The following PTGER4 variants were observed in gnomAD, a reference collection of about 807,000 sequenced individuals.
The protein encoded by PTGER4 is prostaglandin E2 receptor EP4 subtype.
Under a neutral mutation model 33.2 loss-of-function variants are expected in PTGER4, and 11 were observed. The ratio of observed to expected loss-of-function variants is 0.33; its 90% CI spans 0.21 to 0.55. The LOEUF (loss-of-function observed/expected upper bound fraction) is 0.55. Ranked by LOEUF, PTGER4 falls within the 20% of genes least tolerant of loss-of-function variation. The pLI, the probability that PTGER4 is intolerant of heterozygous loss-of-function variation, is 0.92. For missense variants in PTGER4, 481 were observed against 650.2 expected, an observed-to-expected ratio of 0.74 and a Z score of 2.83; for synonymous variants, 275 against 281.5, an observed-to-expected ratio of 0.98 and a Z score of 0.23.
intron 2 of PTGER4, among the ~76,000 whole-genome samples, chr5:40,687,564 CTACT>C (rs1741357503): frequency 6.6e-6 from 1 of 152,186 alleles, no homozygotes; most frequent in South Asian, 2.1e-4. Flanking sequence ...ATCAAGTAGC[CTACT>C]TAAAGTGAAG....
chr5:40,712,671 T>C, the PTGER4 span, among the ~76,000 whole-genome samples: 1,565 of 152,260 alleles, frequency 0.01, 21 homozygotes, highest in African/African-American at 0.032. Flanking sequence ...TCTGCAGTTA[T>C]GACAAATCCA....
chr5:40,689,830 A>AC (rs778764177), intron 2 of PTGER4, among the ~76,000 whole-genome samples: 61 of 152,084 alleles, frequency 4.0e-4, no homozygotes, highest in Non-Finnish European at 1.6e-4. Context: ...CTTCTCCCTA[A>AC]CCTAAAATAA....
chr5:40,684,133 C>G (rs1467475537), intron 2 of PTGER4, among the ~76,000 whole-genome samples: 4 of 124,914 alleles, frequency 3.2e-5, no homozygotes, highest in East Asian at 3.1e-4. Flanking sequence ...CACCCCCCCC[C>G]CCACAATTCA....
chr5:40,713,803 C>G, the PTGER4 span, among the ~76,000 whole-genome samples: 1 of 152,102 alleles, frequency 6.6e-6, no homozygotes, highest in Non-Finnish European at 1.5e-5. Context: ...CATCAATTCT[C>G]TTCAGATTCA....
At chr5:40,697,294 GAAAA>G (rs1204065257), downstream of PTGER4, among the ~76,000 whole-genome samples, 12 of 143,740 alleles carry the variant, frequency 8.3e-5, no homozygotes, top group South Asian at 2.7e-3. Context: ...AAGAAAGAAA[GAAAA>G]AGAAAGGCCA....
the PTGER4 span, among the ~76,000 whole-genome samples, chr5:40,738,605 A>T: frequency 1.3e-5 from 2 of 150,700 alleles, no homozygotes; most frequent in African/African-American, 4.8e-5. Context: ...AAAATAAAAT[A>T]AAAAAGTGAA....
intron 2 of PTGER4, among the ~76,000 whole-genome samples, chr5:40,687,467 G>A (rs1741354599): frequency 6.6e-6 from 1 of 152,132 alleles, no homozygotes; most frequent in South Asian, 2.1e-4. Flanking sequence ...TCCGAAAAGT[G>A]CTTTCACCCC....
chr5:40,684,116 A>C (rs926752017), intron 2 of PTGER4, among the ~76,000 whole-genome samples: 446 of 37,998 alleles, frequency 0.012, no homozygotes, highest in African/African-American at 0.022. Flanking sequence ...TCATTATGCC[A>C]CCCACCCACC....
the PTGER4 span, among the ~76,000 whole-genome samples, chr5:40,740,403 T>C: frequency 6.6e-6 from 1 of 152,068 alleles, no homozygotes; most frequent in Non-Finnish European, 1.5e-5. Context: ...CTGAAAGATA[T>C]TTTTATAATA....
At chr5:40,740,497 C>G in the PTGER4 span, among the ~76,000 whole-genome samples, 1 of 151,928 alleles carries the variant, frequency 6.6e-6, no homozygotes, top group Non-Finnish European at 1.5e-5. Context: ...TCCAGCTGAC[C>G]TCAGCTTCTA....
In PTGER4 at chr5:40,693,581, C is replaced by T; in HGVS notation, c.*1203C>T. 1 of 985,772 alleles carries T rather than the reference C, an allele frequency of 1.0e-6. No homozygotes were observed. The highest frequency in any genetic ancestry group is 1.7e-5 in the African/African-American group (1 of 57,214). The allele number at this position is 985,772 out of a possible 1,614,324, so 61.1% of individuals were successfully genotyped here. On this transcript the variant is annotated 3_prime_UTR_variant, in exon 3 of 3. Transcript: ENST00000302472. ...GATGCTGTACACATATTTGAAGGGTCTTTCTCAAAGAAATATTAAGCATGT... is the reference window on the plus strand; with the variant it reads ...GATGCTGTACACATATTTGAAGGGTTTTTCTCAAAGAAATATTAAGCATGT...
chr5:40,704,869 G>T, the PTGER4 span, among the ~76,000 whole-genome samples: 1 of 152,124 alleles, frequency 6.6e-6, no homozygotes, highest in African/African-American at 2.4e-5. Flanking sequence ...TGGATAGGAA[G>T]AATCAATATC....
At position 40,693,064 on chromosome 5, in the gene PTGER4, GA is replaced by G. The variant is rs1013489179; in HGVS notation, c.*693del. 7 of 919,176 alleles carry G rather than the reference GA, an allele frequency of 7.6e-6. No homozygotes were observed. The highest frequency in any genetic ancestry group is 6.5e-6 in the Non-Finnish European group (5 of 769,788). The allele number at this position is 919,176 out of a possible 1,614,324, so 56.9% of individuals were successfully genotyped here. A position where few individuals can be genotyped will look rare whatever the true frequency, so the allele number is the denominator to read the frequency against. ...AATTTAGTATTATCAAAGGGATAAA[GA>G]AAAAAATACTATTTAAGATGTGAAA... On this transcript the variant is annotated 3_prime_UTR_variant, in exon 3 of 3. Coordinates refer to ENST00000302472, the MANE Select transcript of PTGER4 (RefSeq NM_000958.3).
At chr5:40,734,499 T>G in the PTGER4 span, among the ~76,000 whole-genome samples, 2 of 152,178 alleles carry the variant, frequency 1.3e-5, no homozygotes, top group Non-Finnish European at 2.9e-5. Context: ...AATAGTTCCA[T>G]GGACTACAAC....
the PTGER4 span, among the ~76,000 whole-genome samples, chr5:40,721,842 A>C: frequency 6.6e-6 from 1 of 152,254 alleles, no homozygotes; most frequent in Non-Finnish European, 1.5e-5. Context: ...CAAAGGAAAC[A>C]ACCACCAGAG....
At chr5:40,705,753 T>C in the PTGER4 span, among the ~76,000 whole-genome samples, 1 of 152,054 alleles carries the variant, frequency 6.6e-6, no homozygotes. Context: ...ATTAGAGAAA[T>C]GCAAATCAAA....
chr5:40,697,085 GGAAA>G (rs1741600516), downstream of PTGER4, among the ~76,000 whole-genome samples: 1 of 51,142 alleles, frequency 2.0e-5, no homozygotes, highest in African/African-American at 8.9e-5. Flanking sequence ...AAGGAAGGAA[GGAAA>G]GAAAGAGAAA....
the PTGER4 span, among the ~76,000 whole-genome samples, chr5:40,736,907 T>G: frequency 6.6e-6 from 1 of 152,192 alleles, no homozygotes; most frequent in East Asian, 1.9e-4. Context: ...CCATCTCTAT[T>G]AAGCACCAAA....
chr5:40,706,500 C>T, the PTGER4 span, among the ~76,000 whole-genome samples: 2 of 151,952 alleles, frequency 1.3e-5, no homozygotes, highest in Admixed American at 1.3e-4. Flanking sequence ...AGTAAAATAA[C>T]TTAAGCTTAA....
Sources: gnomAD v4.1 joint callset for allele counts (sites outside exome capture counted in the v4.1 genomes callset) on GRCh38, gnomAD v4.1.1 for gene constraint, MANE v1.5 for transcripts, NCBI Gene and HGNC (gene_info 2026-07-23, HGNC 2026-07-21) for gene names.